Variants in HDAC4 observed in about 807,000 individuals in gnomAD.
The protein encoded by HDAC4 is histone deacetylase 4.
A neutral mutation model predicts 135.1 loss-of-function variants in HDAC4; 16 were observed. That is an observed-to-expected ratio of 0.12 (90% confidence interval 0.08 to 0.18). The LOEUF (loss-of-function observed/expected upper bound fraction) is 0.18. Ranked by LOEUF, HDAC4 falls within the 10% of genes least tolerant of loss-of-function variation. HDAC4 has a pLI of 1.00. For synonymous variants in HDAC4, 685 were observed against 653.4 expected (o/e 1.05, Z -0.74); for missense variants, 1,143 against 1,511.8 (o/e 0.76, Z 4.05).
chr2:239,276,658 G>GACACTGCCTGCTGCCGGA (rs1161503844), intron 2 of HDAC4, among the ~76,000 whole-genome samples: 2 of 151,976 alleles, frequency 1.3e-5, no homozygotes, highest in Admixed American at 6.6e-5. Context: ...CCGCTGCCTG[G>GACACTGCCTGCTGCCGGA]ACACTGCCTG....
rs563587423 is a variant in HDAC4 at position 239,306,952 on chromosome 2, G to A, written c.22+45726C>T. On this transcript the variant is annotated intron_variant, in intron 2 of 26. Coordinates refer to ENST00000543185, the MANE Select transcript of HDAC4 (RefSeq NM_001378414.1). The surrounding 1 kb of genome is among the most constrained non-coding windows in gnomAD (Gnocchi z 4.5). ...ACCTCCCCAAGGGCGCCTGCACCCT[G>A]GGCCCAGGGTAACCCAGAAGCAGCA... 8.5e-4 allele frequency among the ~76,000 whole-genome samples: 129 copies of A among 152,194 alleles called. No individual in the cohort carries two copies. Among genetic ancestry groups the A allele is most frequent in the African/African-American group, 3.1e-3 (127 of 41,536 alleles).
intron 3 of HDAC4, among the ~76,000 whole-genome samples, chr2:239,215,291 C>G (rs1460447222): frequency 6.6e-6 from 1 of 151,948 alleles, no homozygotes; most frequent in African/African-American, 2.4e-5. Flanking sequence ...GTGCTTCCAC[C>G]AAGTCAACAC....
chr2:239,191,276 G>A (rs3791556), intron 3 of HDAC4, among the ~76,000 whole-genome samples: 25,152 of 152,224 alleles, frequency 0.17, 2,284 homozygotes, highest in East Asian at 0.27. Flanking sequence ...CTTTGGGCGT[G>A]ACCTTGTCCA....
At chr2:239,132,861 G>GCTTT (rs1291347963) in intron 11 of HDAC4, among the ~76,000 whole-genome samples, 1 of 152,164 alleles carries the variant, frequency 6.6e-6, no homozygotes, top group Non-Finnish European at 1.5e-5. Flanking sequence ...TTAAAGACAG[G>GCTTT]CGAGAAACTC....
chr2:239,089,743 T>A, intron 18 of HDAC4: 3 of 358,514 alleles, frequency 8.4e-6, no homozygotes, highest in Non-Finnish European at 5.0e-6. Context: ...TTTTTTTTTT[T>A]AAGAGTATAA....
At chr2:239,116,011 G>A (rs1054068799) in intron 12 of HDAC4, among the ~76,000 whole-genome samples, 1 of 152,090 alleles carries the variant, frequency 6.6e-6, no homozygotes, top group African/African-American at 2.4e-5. Flanking sequence ...TCCCTCCTGT[G>A]GGACTCCCTA....
At chr2:239,364,502 C>T (rs942889393) in intron 1 of HDAC4, among the ~76,000 whole-genome samples, 1 of 152,142 alleles carries the variant, frequency 6.6e-6, no homozygotes, top group Non-Finnish European at 1.5e-5. Flanking sequence ...GGGAGACATC[C>T]AGACAGGTTC....
chr2:239,180,201 G>A (rs1464377179), intron 4 of HDAC4, among the ~76,000 whole-genome samples: 1 of 152,098 alleles, frequency 6.6e-6, no homozygotes, highest in Non-Finnish European at 1.5e-5. Context: ...CGAGAGCCTG[G>A]AGGTCCAGCT....
intron 7 of HDAC4, among the ~76,000 whole-genome samples, chr2:239,149,315 C>T (rs2041959252): frequency 6.6e-6 from 1 of 151,360 alleles, no homozygotes; most frequent in Non-Finnish European, 1.5e-5. Flanking sequence ...CAGGAGAATC[C>T]CCTGAACCCA....
intron 12 of HDAC4, among the ~76,000 whole-genome samples, chr2:239,124,729 G>A (rs1343051233): frequency 2.3e-5 from 3 of 133,174 alleles, no homozygotes; most frequent in Non-Finnish European, 5.0e-5. Flanking sequence ...GTGTGCTGGC[G>A]TGTGGCTGCG....
At chr2:239,344,499 C>T (rs1249436642) in intron 2 of HDAC4, among the ~76,000 whole-genome samples, 4 of 151,904 alleles carry the variant, frequency 2.6e-5, no homozygotes, top group African/African-American at 4.8e-5. Flanking sequence ...ACTGAGTACT[C>T]GTGATTTTTA....
chr2:239,123,740 G>T (rs957100707), intron 12 of HDAC4, among the ~76,000 whole-genome samples: 4 of 152,234 alleles, frequency 2.6e-5, no homozygotes, highest in African/African-American at 9.6e-5. Flanking sequence ...AGGCAGGCAG[G>T]AGGGGCTAAT....
intron 2 of HDAC4, among the ~76,000 whole-genome samples, chr2:239,316,820 C>T (rs969178560): frequency 6.6e-6 from 1 of 152,166 alleles, no homozygotes; most frequent in African/African-American, 2.4e-5. Context: ...GGACAGGGGA[C>T]AGCAGGGGTA....
At chr2:239,064,612 C>T (rs1038204014) in intron 24 of HDAC4, among the ~76,000 whole-genome samples, 3 of 152,180 alleles carry the variant, frequency 2.0e-5, no homozygotes, top group African/African-American at 4.8e-5. Context: ...CAGGAACGTA[C>T]GGCTTCCTCG....
chr2:239,225,651 C>G (rs908409106), intron 3 of HDAC4, among the ~76,000 whole-genome samples: 1 of 152,200 alleles, frequency 6.6e-6, no homozygotes, highest in African/African-American at 2.4e-5. Context: ...CCACGCAGGG[C>G]TGGGTGCTGT....
rs756912375 is a variant in HDAC4, at chr2:239,379,145, C to T, written c.-220+21833G>A. Reference sequence around the variant, plus strand: ...CCAGGGGCAAGTCACTCCAGGAAGGCAGGAGCTGGGGGTGGAGGCCGCCAA... The same window carrying T: ...CCAGGGGCAAGTCACTCCAGGAAGGTAGGAGCTGGGGGTGGAGGCCGCCAA... On this transcript the variant is annotated intron_variant, in intron 1 of 26. Transcript: ENST00000543185. Among the ~76,000 whole-genome samples, 13 of 152,154 alleles carry T rather than the reference C, an allele frequency of 8.5e-5. 1 individual carries two copies. The highest frequency in any genetic ancestry group is 1.9e-4 in the Non-Finnish European group (13 of 68,028).
rs571110563 is a variant in HDAC4 at position 239,156,686 on chromosome 2, G to A, written c.699C>T (p.Tyr233=). The change falls in exon 7 of 27, where the codon TAC becomes TAT. Residue 233 remains tyrosine (Y), a synonymous_variant. Coordinates refer to ENST00000543185, the MANE Select transcript of HDAC4 (RefSeq NM_001378414.1). The stretch of plus-strand genomic sequence containing the variant: ...TAAGAGGGAAGTCATCTTTGGCGTC[G>A]TACATTCCCAGGACCGGGTGGTTAT... ...TSYNHPVLGM[Y]DAKDDFPLRK... is the part of the protein sequence containing the mutation. 5.6e-6 allele frequency: 9 copies of A among 1,614,144 alleles called. No homozygotes were observed. The highest frequency in any genetic ancestry group is 1.6e-4 in the Middle Eastern group (1 of 6,062).
intron 2 of HDAC4, among the ~76,000 whole-genome samples, chr2:239,253,513 A>G (rs1252129713): frequency 1.3e-5 from 2 of 152,216 alleles, no homozygotes. Flanking sequence ...CTGTAGTAAA[A>G]GCCAATTTTA....
At position 239,077,425 on chromosome 2, in the gene HDAC4, C is replaced by G. The variant is rs145650631; in HGVS notation, c.2750+3670G>C. Reference sequence around the variant, plus strand: ...CCGGGCCTGCCTAGAGCTTGTCCTCCCAGTCCCCCGCTATCCTCCAGGGCA... The same window carrying G: ...CCGGGCCTGCCTAGAGCTTGTCCTCGCAGTCCCCCGCTATCCTCCAGGGCA... On this transcript the variant is annotated intron_variant, in intron 22 of 26. Transcript: ENST00000543185. 2.6e-5 allele frequency among the ~76,000 whole-genome samples: 4 copies of G among 152,374 alleles called. 1 individual carries two copies. The South Asian group carries it at 8.3e-4, about 32-fold the overall frequency.
Sources: allele counts gnomAD v4.1 joint callset (sites outside exome capture counted in the v4.1 genomes callset), GRCh38; gene constraint gnomAD v4.1.1; non-coding constraint Gnocchi (gnomAD v3.1); transcripts MANE v1.5; gene names NCBI Gene and HGNC (gene_info 2026-07-23, HGNC 2026-07-21).